The following SRGAP1 variants were observed in gnomAD, a reference collection of about 807,000 sequenced individuals.
The protein encoded by SRGAP1 is SLIT-ROBO Rho GTPase activating protein 1.
SRGAP1 carries 43 observed loss-of-function variants against 121.9 expected under a neutral mutation model. That is an observed-to-expected ratio of 0.35 (90% CI 0.28 to 0.46). The LOEUF (loss-of-function observed/expected upper bound fraction) is 0.46, where lower values mean the gene tolerates loss of function less well. Among genes scored for constraint, SRGAP1 ranks in the 20% least tolerant of loss-of-function variants. SRGAP1 has a pLI of 1.00. For missense variants in SRGAP1, 1,102 were observed against 1,350.9 expected, an observed-to-expected ratio of 0.82 and a Z score of 2.89; for synonymous variants, 447 against 485.4, an observed-to-expected ratio of 0.92 and a Z score of 1.04.
chr12:64,078,098 A>G (rs2035770602), intron 8 of SRGAP1, among the ~76,000 whole-genome samples: 1 of 152,198 alleles, frequency 6.6e-6, no homozygotes, highest in Non-Finnish European at 1.5e-5. Flanking sequence ...AAGACTGACA[A>G]TACCAACTGT....
intron 1 of SRGAP1, among the ~76,000 whole-genome samples, chr12:63,924,255 C>G (rs73317321): frequency 0.011 from 1,667 of 152,326 alleles, 6 homozygotes; most frequent in Non-Finnish European, 0.014. Context: ...AGAGGTTCTT[C>G]AAGTTATTAG....
At chr12:64,064,273 T>TA (rs2035499893) in intron 7 of SRGAP1, among the ~76,000 whole-genome samples, 1 of 152,154 alleles carries the variant, frequency 6.6e-6, no homozygotes, top group East Asian at 1.9e-4. Context: ...GGAAACTCTA[T>TA]AAAAGGAACC....
intron 4 of SRGAP1, among the ~76,000 whole-genome samples, chr12:64,036,491 T>C (rs1484545765): frequency 6.6e-6 from 1 of 152,206 alleles, no homozygotes; most frequent in Non-Finnish European, 1.5e-5. Flanking sequence ...ATGTAGTTTC[T>C]CAGAAGAGCT....
At position 64,062,929 on chromosome 12, in the gene SRGAP1, G is replaced by A. The variant is rs754137240; in HGVS notation, c.814G>A (p.Gly272Ser). ...LSDLIDCCDLGYHASLNRALR... is the reference protein window; with the variant it reads ...LSDLIDCCDLSYHASLNRALR... ...TTTACTTTTTAAGTGCTGTGATCTT[G>A]GCTACCATGCAAGTCTGAACAGAGC... is the stretch of plus-strand genomic sequence containing the variant. Residue 272 changes from glycine to serine, a missense_variant, in exon 7 of 22, where the codon GGC becomes AGC. Coordinates refer to ENST00000355086, the MANE Select transcript of SRGAP1 (RefSeq NM_020762.4). 3.1e-6 allele frequency: 5 copies of A among 1,610,260 alleles called. No homozygotes were observed. The East Asian group carries it at 8.9e-5, about 29-fold the overall frequency.
chr12:64,082,638 A>AG (rs1491239757), intron 10 of SRGAP1, among the ~76,000 whole-genome samples: 3 of 151,802 alleles, frequency 2.0e-5, no homozygotes, highest in African/African-American at 7.3e-5. Flanking sequence ...TAGTAGAGAC[A>AG]GGGGTCTCAC....
chr12:63,895,860 A>C (rs1160064023), intron 1 of SRGAP1, among the ~76,000 whole-genome samples: 1 of 152,196 alleles, frequency 6.6e-6, no homozygotes. Context: ...ATAGTGTCTC[A>C]AATTCTTTTG....
intron 11 of SRGAP1, 65 bp from the exon 12 acceptor site, chr12:64,091,211 C>T: frequency 8.4e-7 from 1 of 1,185,114 alleles, no homozygotes; most frequent in Non-Finnish European, 1.2e-6. Context: ...ATTGATGTGA[C>T]CTATAGATGT....
At chr12:64,106,821 T>A (rs1033734425) in intron 15 of SRGAP1, among the ~76,000 whole-genome samples, 4 of 152,208 alleles carry the variant, frequency 2.6e-5, no homozygotes, top group Non-Finnish European at 5.9e-5. Context: ...ATCTGCCTTG[T>A]TCATAGCGTT....
chr12:64,070,173 A>G (rs2035614427), intron 8 of SRGAP1, among the ~76,000 whole-genome samples: 1 of 152,110 alleles, frequency 6.6e-6, no homozygotes, highest in Non-Finnish European at 1.5e-5. Context: ...TTTGCATTTA[A>G]CCTTGTTGTG....
chr12:63,990,546 AAG>A (rs955030689), intron 3 of SRGAP1, among the ~76,000 whole-genome samples: 3 of 152,212 alleles, frequency 2.0e-5, no homozygotes, highest in South Asian at 2.1e-4. Flanking sequence ...AAACAAAAAA[AAG>A]AGTTAAAAAT....
At chr12:64,036,412 A>G (rs575487557) in intron 4 of SRGAP1, among the ~76,000 whole-genome samples, 1 of 150,798 alleles carries the variant, frequency 6.6e-6, no homozygotes, top group South Asian at 2.1e-4. Flanking sequence ...AGCTACAGTT[A>G]GAGTCCTCTT....
chr12:63,863,532 A>G (rs539932928), intron 1 of SRGAP1, among the ~76,000 whole-genome samples: 3 of 152,286 alleles, frequency 2.0e-5, no homozygotes, highest in Non-Finnish European at 4.4e-5. Context: ...TTGGCCTCTC[A>G]AAGTGCTGGG....
intron 4 of SRGAP1, among the ~76,000 whole-genome samples, chr12:64,026,622 T>A (rs574560694): frequency 6.6e-6 from 1 of 152,228 alleles, no homozygotes; most frequent in South Asian, 2.1e-4. Context: ...ATCCCAGCAC[T>A]TTTGGAGGCC....
Position 64,147,506 on chromosome 12 carries a change from G to A in SRGAP1, c.*4834G>A. 5.0e-6 allele frequency: 2 copies of A among 398,592 alleles called. No individual in the cohort carries two copies. The highest frequency in any genetic ancestry group is 8.8e-6 in the Non-Finnish European group (2 of 226,138). The allele number at this position is 398,592 out of a possible 1,614,324, so 24.7% of individuals were successfully genotyped here. On this transcript the variant is annotated 3_prime_UTR_variant, in exon 22 of 22. Transcript: ENST00000355086. ...TCCCTGTCGGTCCTCAGACTGTCTC[G>A]TTTTCCTTGTAGACGTGATTGTGCC...
chr12:64,045,468 C>A (rs774663516), intron 6 of SRGAP1, among the ~76,000 whole-genome samples: 2 of 151,004 alleles, frequency 1.3e-5, no homozygotes, highest in African/African-American at 2.4e-5. Context: ...TGGAGTCTCA[C>A]TCTGTCACGT....
intron 1 of SRGAP1, among the ~76,000 whole-genome samples, chr12:63,919,898 T>C (rs912931632): frequency 6.6e-6 from 1 of 152,228 alleles, no homozygotes; most frequent in Non-Finnish European, 1.5e-5. Context: ...ATTGATTCAT[T>C]GCCCTGTTGG....
At chr12:63,902,328 C>T (rs2029975183) in intron 1 of SRGAP1, among the ~76,000 whole-genome samples, 1 of 152,138 alleles carries the variant, frequency 6.6e-6, no homozygotes, top group Non-Finnish European at 1.5e-5. Flanking sequence ...ATTCCAAGAA[C>T]AGTATTAACC....
intron 21 of SRGAP1, among the ~76,000 whole-genome samples, chr12:64,133,941 T>C (rs1225734548): frequency 6.6e-6 from 1 of 152,128 alleles, no homozygotes; most frequent in Non-Finnish European, 1.5e-5. Flanking sequence ...TGCATTACTG[T>C]AGCTATGCCC....
chr12:64,033,809 C>A (rs147548814), intron 4 of SRGAP1, among the ~76,000 whole-genome samples: 2,263 of 152,166 alleles, frequency 0.015, 70 homozygotes, highest in African/African-American at 0.052. Context: ...ATCATGAGGT[C>A]AGGAGTTCAA....
Sources: gnomAD v4.1 joint callset for allele counts (sites outside exome capture counted in the v4.1 genomes callset) on GRCh38, gnomAD v4.1.1 for gene constraint, MANE v1.5 for transcripts, NCBI Gene and HGNC (gene_info 2026-07-23, HGNC 2026-07-21) for gene names.